The following WHR1 variants were observed in gnomAD, a reference collection of about 807,000 sequenced individuals.
WHR1 encodes the protein MHC class III HLA-RP1.
the WHR1 span, chr6:31,971,335 C>T: frequency 1.3e-6 from 2 of 1,543,154 alleles, no homozygotes; most frequent in Non-Finnish European, 8.7e-7. The surrounding 1 kb of genome is among the most constrained non-coding windows in gnomAD (Gnocchi z 4.5). Context: ...CAACCGGCCT[C>T]GGTGTTCCAG....
At chr6:31,980,728 C>T in the WHR1 span, 95 of 1,608,822 alleles carry the variant, frequency 5.9e-5, no homozygotes, top group Admixed American at 1.0e-4. Flanking sequence ...CCTGGGCCGG[C>T]GGGCGCCTGT....
the WHR1 span, chr6:31,971,276 T>C: frequency 1.3e-6 from 2 of 1,538,454 alleles, no homozygotes; most frequent in Non-Finnish European, 1.8e-6. This position sits in a 1 kb window ranked among gnomAD's most constrained non-coding sequence, Gnocchi z 4.5. Flanking sequence ...TTTTAGAGGG[T>C]AGGTACGGGT....
At chr6:31,974,005 C>T in the WHR1 span, among the ~76,000 whole-genome samples, 1 of 152,102 alleles carries the variant, frequency 6.6e-6, no homozygotes, top group Non-Finnish European at 1.5e-5. Context: ...AACCCAGAGG[C>T]CGGCGCGGTG....
At chr6:31,972,805 G>T in the WHR1 span, 3 of 1,602,500 alleles carry the variant, frequency 1.9e-6, no homozygotes, top group Non-Finnish European at 2.5e-6. The surrounding 1 kb of genome is among the most constrained non-coding windows in gnomAD (Gnocchi z 6.3). Context: ...CTAACTCCTG[G>T]AATTCCCTGT....
the WHR1 span, chr6:31,980,565 T>C: frequency 1.1e-5 from 17 of 1,609,874 alleles, no homozygotes; most frequent in Non-Finnish European, 1.4e-5. Context: ...CATCTGCAGC[T>C]CAAGCCTGCA....
the WHR1 span, chr6:31,980,736 T>C: frequency 6.2e-7 from 1 of 1,608,126 alleles, no homozygotes; most frequent in Non-Finnish European, 8.5e-7. Context: ...GGCGGGCGCC[T>C]GTCGTGGTGC....
the WHR1 span, among the ~76,000 whole-genome samples, chr6:31,977,907 C>T: frequency 6.6e-6 from 1 of 152,150 alleles, no homozygotes; most frequent in Non-Finnish European, 1.5e-5. Context: ...CCTGTGTCAG[C>T]CTCCTGAGTA....
chr6:31,971,905 C>T, the WHR1 span: 1 of 1,517,460 alleles, frequency 6.6e-7, no homozygotes. This position sits in a 1 kb window ranked among gnomAD's most constrained non-coding sequence, Gnocchi z 4.5. Context: ...AGGACGTCTG[C>T]GCTCAGATCA....
At chr6:31,980,441 C>T in the WHR1 span, 1 of 1,609,452 alleles carries the variant, frequency 6.2e-7, no homozygotes, top group Non-Finnish European at 8.5e-7. Flanking sequence ...TGGCTTCCCA[C>T]TGCCCTCAGG....
At chr6:31,975,823 G>A in the WHR1 span, among the ~76,000 whole-genome samples, 2 of 152,074 alleles carry the variant, frequency 1.3e-5, no homozygotes, top group Non-Finnish European at 2.9e-5. Context: ...TGGTGGCCGG[G>A]CAGAGGGGCT....
the WHR1 span, chr6:31,979,817 G>C: frequency 0.16 from 67,449 of 418,926 alleles, 6,910 homozygotes; most frequent in African/African-American, 0.34. Flanking sequence ...CTGGCAGGAA[G>C]TGTAAAAGCT....
At chr6:31,977,348 T>A in the WHR1 span, among the ~76,000 whole-genome samples, 1 of 149,412 alleles carries the variant, frequency 6.7e-6, no homozygotes, top group African/African-American at 2.5e-5. Context: ...ATTTTTTTTT[T>A]TTTTTTTTTT....
At chr6:31,973,847 T>C in the WHR1 span, among the ~76,000 whole-genome samples, 3 of 152,138 alleles carry the variant, frequency 2.0e-5, no homozygotes, top group African/African-American at 7.2e-5. Flanking sequence ...TACGCTCTCT[T>C]GGGGCGGGAT....
chr6:31,975,540 G>A, the WHR1 span, among the ~76,000 whole-genome samples: 1 of 147,428 alleles, frequency 6.8e-6, no homozygotes, highest in Non-Finnish European at 1.5e-5. Flanking sequence ...TCACCCTGTT[G>A]GCCAGGCTGG....
At chr6:31,971,641 T>C in the WHR1 span, 1 of 1,610,464 alleles carries the variant, frequency 6.2e-7, no homozygotes. This position sits in a 1 kb window ranked among gnomAD's most constrained non-coding sequence, Gnocchi z 4.5. Context: ...TACCTCTGTC[T>C]TCTCAGCTCC....
At chr6:31,979,311 A>T in the WHR1 span, 1 of 1,497,562 alleles carries the variant, frequency 6.7e-7, no homozygotes, top group South Asian at 1.2e-5. Context: ...AGGTGGAAGG[A>T]TCTGAGCAAG....
the WHR1 span, chr6:31,971,710 A>AT: frequency 6.4e-7 from 1 of 1,571,638 alleles, no homozygotes. This position sits in a 1 kb window ranked among gnomAD's most constrained non-coding sequence, Gnocchi z 4.5. Context: ...CAGAGTTTCC[A>AT]TTCTACAGAG....
At chr6:31,978,926 G>GATCA in the WHR1 span, 8 of 1,612,654 alleles carry the variant, frequency 5.0e-6, no homozygotes, top group Non-Finnish European at 6.8e-6. Context: ...AGCAGGGGGA[G>GATCA]ATCAGAATCG....
the WHR1 span, chr6:31,978,922 G>A: frequency 6.2e-7 from 1 of 1,612,714 alleles, no homozygotes; most frequent in South Asian, 1.1e-5. Flanking sequence ...CAAGAGCAGG[G>A]GGAGATCAGA....
Sources: allele counts gnomAD v4.1 joint callset (sites outside exome capture counted in the v4.1 genomes callset), GRCh38; gene constraint gnomAD v4.1.1; non-coding constraint Gnocchi (gnomAD v3.1); transcripts MANE v1.5; gene names NCBI Gene and HGNC (gene_info 2026-07-23, HGNC 2026-07-21).